The following XKR9 variants were observed in gnomAD, a reference collection of about 807,000 sequenced individuals.
XKR9 encodes the protein XK-related protein 9.
A neutral mutation model predicts 32.0 loss-of-function variants in XKR9; 32 were observed. The observed-to-expected ratio is 1.00, with a 90% confidence interval of 0.76 to 1.34. The LOEUF is 1.34. XKR9 is among the 40% of genes most tolerant of loss of function. The pLI, the probability that XKR9 is intolerant of heterozygous loss-of-function variation, is 0.00. For missense variants in XKR9, 546 were observed against 429.7 expected (o/e 1.27, Z -2.39); for synonymous variants, 168 against 143.4 (o/e 1.17, Z -1.22).
the XKR9 span, among the ~76,000 whole-genome samples, chr8:70,855,359 A>C: frequency 1.3e-5 from 2 of 152,196 alleles, no homozygotes; most frequent in East Asian, 3.9e-4. Context: ...GATTCAATCA[A>C]CTGGAAGAAA....
chr8:70,878,013 C>A, the XKR9 span, among the ~76,000 whole-genome samples: 1 of 152,264 alleles, frequency 6.6e-6, no homozygotes, highest in Admixed American at 6.5e-5. Flanking sequence ...ATTCAACATT[C>A]TTAACAAAAA....
chr8:70,814,210 G>A, the XKR9 span, among the ~76,000 whole-genome samples: 9 of 152,034 alleles, frequency 5.9e-5, no homozygotes, highest in African/African-American at 1.2e-4. Context: ...ACCAAACACC[G>A]CATGTTGTCA....
At chr8:71,058,080 C>G in the XKR9 span, among the ~76,000 whole-genome samples, 1 of 151,992 alleles carries the variant, frequency 6.6e-6, no homozygotes, top group Non-Finnish European at 1.5e-5. Context: ...ACTCGAGAGG[C>G]TGAGGCAGGA....
chr8:70,812,060 G>A, the XKR9 span, among the ~76,000 whole-genome samples: 12 of 152,088 alleles, frequency 7.9e-5, no homozygotes, highest in East Asian at 5.8e-4. Flanking sequence ...CTGGCAAACC[G>A]AATCCAGCAG....
the XKR9 span, among the ~76,000 whole-genome samples, chr8:70,874,621 G>A: frequency 6.6e-6 from 1 of 152,168 alleles, no homozygotes; most frequent in African/African-American, 2.4e-5. Context: ...TCTCTTCTTT[G>A]AGAGGATTCT....
At chr8:70,905,799 G>C in the XKR9 span, among the ~76,000 whole-genome samples, 1 of 152,174 alleles carries the variant, frequency 6.6e-6, no homozygotes, top group African/African-American at 2.4e-5. Context: ...CGCACGGATG[G>C]GGTTTTGGTG....
chr8:70,767,805 T>C (rs1807399352), intron 2 of XKR9, among the ~76,000 whole-genome samples: 1 of 152,082 alleles, frequency 6.6e-6, no homozygotes. Context: ...CCAGCCTGAT[T>C]CTTTTGTCTT....
intron 2 of XKR9, among the ~76,000 whole-genome samples, chr8:70,768,878 A>G (rs1045723429): frequency 6.6e-6 from 1 of 151,768 alleles, no homozygotes; most frequent in Non-Finnish European, 1.5e-5. Context: ...TCTTGACTCT[A>G]TCCATTTTGC....
chr8:70,869,080 G>A, the XKR9 span, among the ~76,000 whole-genome samples: 1 of 151,980 alleles, frequency 6.6e-6, no homozygotes, highest in African/African-American at 2.4e-5. Flanking sequence ...ATTTTCCATA[G>A]CCATTCAACA....
chr8:70,884,969 G>A, the XKR9 span, among the ~76,000 whole-genome samples: 1 of 152,146 alleles, frequency 6.6e-6, no homozygotes, highest in Non-Finnish European at 1.5e-5. Flanking sequence ...AAATTGGGAA[G>A]AATTGACATC....
the XKR9 span, among the ~76,000 whole-genome samples, chr8:71,057,835 C>T: frequency 6.6e-6 from 1 of 152,108 alleles, no homozygotes. Context: ...AAAGAATGAT[C>T]TGGTCATGCC....
the XKR9 span, among the ~76,000 whole-genome samples, chr8:70,894,523 A>G: frequency 6.6e-6 from 1 of 152,090 alleles, no homozygotes; most frequent in African/African-American, 2.4e-5. Context: ...CAGCCATGAT[A>G]CCAATTCCCC....
chr8:70,753,173 G>C (rs1807167088), intron 2 of XKR9, among the ~76,000 whole-genome samples: 1 of 152,214 alleles, frequency 6.6e-6, no homozygotes, highest in South Asian at 2.1e-4. Flanking sequence ...AGAAGAAATG[G>C]ATAAATTCCT....
the XKR9 span, among the ~76,000 whole-genome samples, chr8:70,850,908 A>G: frequency 1.3e-5 from 2 of 152,206 alleles, no homozygotes; most frequent in Non-Finnish European, 2.9e-5. Context: ...CTCTTATTCA[A>G]CATAGTATTG....
chr8:70,884,380 A>G, the XKR9 span, among the ~76,000 whole-genome samples: 2 of 152,114 alleles, frequency 1.3e-5, no homozygotes, highest in Non-Finnish European at 2.9e-5. Context: ...ACATTAATGA[A>G]GTCCAATTTA....
chr8:70,846,656 C>CAT, the XKR9 span, among the ~76,000 whole-genome samples: 2 of 151,804 alleles, frequency 1.3e-5, no homozygotes, highest in Admixed American at 1.3e-4. Flanking sequence ...CCTATAAAGA[C>CAT]ATATATGCAC....
the XKR9 span, among the ~76,000 whole-genome samples, chr8:70,984,646 T>C: frequency 6.6e-6 from 1 of 152,194 alleles, no homozygotes; most frequent in East Asian, 1.9e-4. Flanking sequence ...CTATAAATTA[T>C]AGAAAAATTA....
At chr8:70,863,821 T>C in the XKR9 span, among the ~76,000 whole-genome samples, 1 of 152,170 alleles carries the variant, frequency 6.6e-6, no homozygotes, top group Non-Finnish European at 1.5e-5. Flanking sequence ...AATTTTGGAC[T>C]TTATAGAATG....
At chr8:70,906,514 G>C in the XKR9 span, among the ~76,000 whole-genome samples, 81,756 of 152,004 alleles carry the variant, frequency 0.54, 22,949 homozygotes, top group Middle Eastern at 0.62. Context: ...ACCTGTGGTT[G>C]CCGAGGCTGG....
Sources: gnomAD v4.1 joint callset for allele counts (sites outside exome capture counted in the v4.1 genomes callset) on GRCh38, gnomAD v4.1.1 for gene constraint, MANE v1.5 for transcripts, NCBI Gene and HGNC (gene_info 2026-07-23, HGNC 2026-07-21) for gene names.